Variants in CNTN1 observed in about 807,000 individuals in gnomAD.
CNTN1 encodes the protein contactin 1.
In CNTN1, 38 loss-of-function variants were observed where a neutral mutation model predicts 126.4. That is an observed-to-expected ratio of 0.30 (90% CI 0.23 to 0.39). CNTN1 has a LOEUF of 0.39. CNTN1 is among the 10% of genes least tolerant of loss of function. The pLI is 1.00. For missense variants in CNTN1, 1,009 were observed against 1,248.4 expected, an observed-to-expected ratio of 0.81 and a Z score of 2.89; for synonymous variants, 413 against 422.6, an observed-to-expected ratio of 0.98 and a Z score of 0.28.
At chr12:40,702,220 G>A (rs765530758) in intron 1 of CNTN1, among the ~76,000 whole-genome samples, 1 of 151,892 alleles carries the variant, frequency 6.6e-6, no homozygotes, top group Non-Finnish European at 1.5e-5. Flanking sequence ...ACAGGCATGA[G>A]CCATCATGCC....
At chr12:40,772,109 T>C (rs1335656374) in intron 1 of CNTN1, among the ~76,000 whole-genome samples, 1 of 152,100 alleles carries the variant, frequency 6.6e-6, no homozygotes, top group African/African-American at 2.4e-5. Flanking sequence ...ACCCTTCATA[T>C]AAACTTTTTT....
At chr12:40,794,724 A>G (rs1940347179) in intron 1 of CNTN1, among the ~76,000 whole-genome samples, 1 of 152,084 alleles carries the variant, frequency 6.6e-6, no homozygotes, top group Non-Finnish European at 1.5e-5. Context: ...AAGAGACGGG[A>G]AAGCTTACTT....
Position 41,071,601 on chromosome 12 carries a change from TTA to T in CNTN1, c.*1567_*1568del, listed in dbSNP as rs1421023189. The T allele has an allele frequency of 6.6e-6, 1 of 152,204 alleles. No homozygotes were observed. Among genetic ancestry groups the T allele is most frequent in the African/African-American group, 2.4e-5 (1 of 41,458 alleles). 9.4% of individuals were successfully genotyped at this position (152,204 alleles called of 1,614,324 possible). A position where few individuals can be genotyped will look rare whatever the true frequency, so the allele number is the denominator to read the frequency against. On this transcript the variant is annotated 3_prime_UTR_variant, in exon 24 of 24. Coordinates refer to ENST00000551295, the MANE Select transcript of CNTN1 (RefSeq NM_001843.4). Reference sequence around the variant, plus strand: ...GTACTATATATCGATGTGTAAATGTTTAGAGTCTTCATTATGAAAATATCAAT... The same window carrying T: ...GTACTATATATCGATGTGTAAATGTTGAGTCTTCATTATGAAAATATCAAT...
At chr12:40,986,698 T>C (rs1947961907) in intron 16 of CNTN1, among the ~76,000 whole-genome samples, 1 of 152,124 alleles carries the variant, frequency 6.6e-6, no homozygotes, top group African/African-American at 2.4e-5. Flanking sequence ...GGGAAGCAGA[T>C]CTCTCTCAGC....
chr12:40,977,581 C>T (rs937412579), intron 15 of CNTN1, among the ~76,000 whole-genome samples: 2 of 126,878 alleles, frequency 1.6e-5, no homozygotes, highest in Non-Finnish European at 3.7e-5. Flanking sequence ...GTAAACAGAT[C>T]CCTGGAATGA....
intron 1 of CNTN1, chr12:40,763,164 G>A (rs1257808664): frequency 1.3e-5 from 2 of 152,326 alleles, no homozygotes; most frequent in African/African-American, 2.4e-5. Context: ...AGAAGCAAAC[G>A]CTAGTGCCAG....
chr12:40,701,911 A>G (rs1422097554), intron 1 of CNTN1, among the ~76,000 whole-genome samples: 1 of 152,216 alleles, frequency 6.6e-6, no homozygotes, highest in African/African-American at 2.4e-5. Context: ...TATTCATACT[A>G]TGAAATCAAC....
chr12:40,982,222 A>T (rs1447064467), intron 16 of CNTN1, among the ~76,000 whole-genome samples: 1 of 152,284 alleles, frequency 6.6e-6, no homozygotes, highest in East Asian at 1.9e-4. Context: ...TTTCCATTAC[A>T]TTATGCTTAT....
chr12:40,903,388 C>CTT (rs112301816), intron 1 of CNTN1, among the ~76,000 whole-genome samples: 13,436 of 130,700 alleles, frequency 0.1, 896 homozygotes, highest in Admixed American at 0.18. Flanking sequence ...GTCAGAGTTG[C>CTT]TTTTTTTTTT....
intron 1 of CNTN1, among the ~76,000 whole-genome samples, chr12:40,711,763 G>A (rs990715701): frequency 3.3e-5 from 5 of 151,806 alleles, no homozygotes; most frequent in Non-Finnish European, 5.9e-5. Context: ...CCATGCTGGA[G>A]TGCAGTGGTA....
chr12:40,939,952 A>T (rs1333208988), intron 12 of CNTN1, among the ~76,000 whole-genome samples: 1 of 152,162 alleles, frequency 6.6e-6, no homozygotes. Flanking sequence ...CTCAAAATGA[A>T]CAAGATGTTA....
At chr12:41,014,122 GAAA>G in intron 17 of CNTN1, 103 bp from the exon 18 acceptor site, 2 of 1,003,332 alleles carry the variant, frequency 2.0e-6, no homozygotes, top group Admixed American at 4.0e-5. Flanking sequence ...CCTAGTAAAA[GAAA>G]AACATTTGTG....
At chr12:41,015,776 G>A (rs565091774) in intron 18 of CNTN1, among the ~76,000 whole-genome samples, 1 of 151,140 alleles carries the variant, frequency 6.6e-6, no homozygotes, top group Non-Finnish European at 1.5e-5. Context: ...TGCCAAAAAA[G>A]GCTAACTGAC....
At chr12:41,039,784 G>A (rs1021258639) in intron 23 of CNTN1, among the ~76,000 whole-genome samples, 6 of 151,944 alleles carry the variant, frequency 3.9e-5, no homozygotes, top group African/African-American at 1.4e-4. Context: ...CAAATGGCAT[G>A]GTTAATATAA....
chr12:40,836,343 A>G (rs559443163), intron 1 of CNTN1, among the ~76,000 whole-genome samples: 84 of 150,740 alleles, frequency 5.6e-4, no homozygotes, highest in African/African-American at 2.0e-3. Flanking sequence ...TAATAGATGC[A>G]ATGATATTAT....
intron 1 of CNTN1, among the ~76,000 whole-genome samples, chr12:40,863,776 T>A (rs1943193163): frequency 6.7e-6 from 1 of 150,212 alleles, no homozygotes; most frequent in Non-Finnish European, 1.5e-5. Context: ...GTGGAACAGT[T>A]TCATCCTGAA....
chr12:40,934,312 A>C (rs1201348673), intron 9 of CNTN1, among the ~76,000 whole-genome samples: 1 of 151,870 alleles, frequency 6.6e-6, no homozygotes, highest in South Asian at 2.1e-4. Context: ...AACTCTCAGA[A>C]TTTTTCATTC....
chr12:41,066,127 C>T (rs1030053846), intron 23 of CNTN1, among the ~76,000 whole-genome samples: 2 of 152,108 alleles, frequency 1.3e-5, no homozygotes, highest in Non-Finnish European at 2.9e-5. Flanking sequence ...AAAATAATGT[C>T]GGACCAGGAC....
intron 1 of CNTN1, among the ~76,000 whole-genome samples, chr12:40,902,198 C>T (rs889455799): frequency 4.6e-5 from 7 of 152,182 alleles, no homozygotes; most frequent in African/African-American, 1.7e-4. Context: ...CATCCACACA[C>T]ACATATCCAT....
Sources: gnomAD v4.1 joint callset for allele counts (sites outside exome capture counted in the v4.1 genomes callset) on GRCh38, gnomAD v4.1.1 for gene constraint, MANE v1.5 for transcripts, NCBI Gene and HGNC (gene_info 2026-07-23, HGNC 2026-07-21) for gene names.